The following CSNK1G3 variants were observed in gnomAD, a reference collection of about 807,000 sequenced individuals.
CSNK1G3 encodes casein kinase I isoform gamma-3.
A neutral mutation model predicts 64.3 loss-of-function variants in CSNK1G3; 23 were observed. That is an observed-to-expected ratio of 0.36 (90% CI 0.26 to 0.51). CSNK1G3 has a LOEUF of 0.51. Ranked by LOEUF, CSNK1G3 falls within the 20% of genes least tolerant of loss-of-function variation. The probability of loss-of-function intolerance (pLI) is 0.96; values close to 1 mark genes in which losing one functional copy is unlikely to be tolerated. For missense variants in CSNK1G3, 357 were observed against 510.5 expected, an observed-to-expected ratio of 0.70 and a Z score of 2.90; for synonymous variants, 158 against 162.2, an observed-to-expected ratio of 0.97 and a Z score of 0.20.
At chr5:123,554,220 G>A (rs1784199516) in intron 3 of CSNK1G3, among the ~76,000 whole-genome samples, 1 of 152,118 alleles carries the variant, frequency 6.6e-6, no homozygotes, top group Non-Finnish European at 1.5e-5. Flanking sequence ...GAGATTGGTT[G>A]GCTGACATGT....
intron 4 of CSNK1G3, among the ~76,000 whole-genome samples, chr5:123,572,983 G>A (rs796382227): frequency 6.6e-5 from 10 of 152,340 alleles, no homozygotes; most frequent in African/African-American, 2.2e-4. Context: ...TGACAGTGGT[G>A]ATCTTAGCAG....
In CSNK1G3 at chr5:123,573,632, G is replaced by A. The variant is rs529034610; in HGVS notation, c.438+91G>A. 1.7e-5 allele frequency: 19 copies of A among 1,149,204 alleles called. No homozygotes were observed. In the South Asian group the frequency reaches 2.2e-4, roughly 13 times the overall value. The allele number at this position is 1,149,204 out of a possible 1,614,324, so 71.2% of individuals were successfully genotyped here. ...TAAAAGTTTAAAGTTCTGTGATATT[G>A]TCTTACAGAGCGTTTGACGTAATAC... On this transcript the variant is annotated intron_variant, in intron 5 of 12. Coordinates refer to ENST00000345990, the Ensembl canonical transcript of CSNK1G3.
chr5:123,564,894 G>A (rs1231354397), intron 4 of CSNK1G3, among the ~76,000 whole-genome samples: 1 of 152,118 alleles, frequency 6.6e-6, no homozygotes, highest in Non-Finnish European at 1.5e-5. Flanking sequence ...AGCTAGGACA[G>A]CACTTCTTAA....
At chr5:123,589,661 A>C (rs546698292) in intron 8 of CSNK1G3, among the ~76,000 whole-genome samples, 156 of 152,066 alleles carry the variant, frequency 1.0e-3, no homozygotes, top group African/African-American at 3.6e-3. Flanking sequence ...CTGCTTTACT[A>C]ATTGCTCACC....
At chr5:123,581,708 T>TA (rs568823427) in intron 6 of CSNK1G3, among the ~76,000 whole-genome samples, 117 of 142,792 alleles carry the variant, frequency 8.2e-4, no homozygotes, top group African/African-American at 3.1e-3. Flanking sequence ...TTCTCTTTTT[T>TA]TAAAAAAAAA....
chr5:123,562,614 T>C (rs1196325175), intron 4 of CSNK1G3, among the ~76,000 whole-genome samples: 2 of 152,018 alleles, frequency 1.3e-5, no homozygotes, highest in African/African-American at 4.8e-5. Flanking sequence ...TAATTTTGAG[T>C]TTATTCTATT....
At chr5:123,536,809 A>C (rs1300085215) in intron 1 of CSNK1G3, among the ~76,000 whole-genome samples, 1 of 152,144 alleles carries the variant, frequency 6.6e-6, no homozygotes, top group African/African-American at 2.4e-5. Context: ...AAGAAGATAC[A>C]CACATGGCCA....
At chr5:123,607,758 G>A (rs1795604152) in intron 12 of CSNK1G3, among the ~76,000 whole-genome samples, 2 of 152,156 alleles carry the variant, frequency 1.3e-5, no homozygotes, top group Non-Finnish European at 2.9e-5. Context: ...TTTAAAAAAA[G>A]TATAGCAACT....
At chr5:123,540,421 TAAG>T (rs747743826) in intron 1 of CSNK1G3, among the ~76,000 whole-genome samples, 5 of 152,120 alleles carry the variant, frequency 3.3e-5, no homozygotes, top group Non-Finnish European at 5.9e-5. Context: ...CTAGCTATTT[TAAG>T]AAGAAGGTCC....
chr5:123,518,283 C>T (rs1320989293), intron 1 of CSNK1G3, among the ~76,000 whole-genome samples: 1 of 152,192 alleles, frequency 6.6e-6, no homozygotes, highest in Non-Finnish European at 1.5e-5. Flanking sequence ...GCAGGAAGTC[C>T]AGGTTGGAGA....
chr5:123,555,047 T>A (rs1044601859), intron 3 of CSNK1G3, among the ~76,000 whole-genome samples: 6 of 152,344 alleles, frequency 3.9e-5, no homozygotes, highest in African/African-American at 4.8e-5. Context: ...ATCACTTTTT[T>A]AAGTTTATTT....
chr5:123,613,869 A>T (rs1237315233), intron 12 of CSNK1G3, among the ~76,000 whole-genome samples: 1 of 152,280 alleles, frequency 6.6e-6, no homozygotes, highest in East Asian at 1.9e-4. Context: ...ATTCTATATA[A>T]TGTATTTTCT....
intron 1 of CSNK1G3, among the ~76,000 whole-genome samples, chr5:123,531,267 C>G (rs536370671): frequency 1.3e-3 from 194 of 152,094 alleles, no homozygotes; most frequent in African/African-American, 4.5e-3. Context: ...ACTTTCAATA[C>G]TTAATACCGA....
chr5:123,562,777 G>A (rs1052806338), intron 4 of CSNK1G3, among the ~76,000 whole-genome samples: 5 of 152,000 alleles, frequency 3.3e-5, no homozygotes, highest in Admixed American at 3.3e-4. Flanking sequence ...AATGGAAGTG[G>A]TAACCAAGGA....
chr5:123,553,082 A>G (rs1482295705), intron 2 of CSNK1G3, 25 bp from the exon 3 acceptor site: 1 of 1,289,346 alleles, frequency 7.8e-7, no homozygotes, highest in Admixed American at 2.6e-5. Context: ...TACTGGCAGA[A>G]TCTGATTTTT....
intron 4 of CSNK1G3, among the ~76,000 whole-genome samples, chr5:123,562,467 C>T (rs1425748708): frequency 6.6e-6 from 1 of 152,014 alleles, no homozygotes; most frequent in East Asian, 1.9e-4. Flanking sequence ...AAATTCTTAA[C>T]TAACAATAAT....
chr5:123,555,337 T>C (rs746132352), intron 3 of CSNK1G3, among the ~76,000 whole-genome samples: 12 of 152,322 alleles, frequency 7.9e-5, no homozygotes, highest in Non-Finnish European at 1.5e-4. Flanking sequence ...TGATAGTTCA[T>C]GATTTCCTTA....
chr5:123,531,818 A>G (rs969501290), intron 1 of CSNK1G3, among the ~76,000 whole-genome samples: 1 of 151,946 alleles, frequency 6.6e-6, no homozygotes, highest in African/African-American at 2.4e-5. Flanking sequence ...AAGAGGCAAT[A>G]TCTCTTGTAA....
chr5:123,533,752 C>T lies in CSNK1G3; in HGVS notation c.-247-11665C>T, dbSNP rs574760057. Among the ~76,000 whole-genome samples, 20 of 151,786 alleles carry T rather than the reference C, an allele frequency of 1.3e-4. 1 individual carries two copies. In the East Asian group the frequency reaches 3.7e-3, roughly 28 times the overall value. On this transcript the variant is annotated intron_variant, in intron 1 of 12. Coordinates refer to ENST00000345990, the Ensembl canonical transcript of CSNK1G3. The stretch of plus-strand genomic sequence containing the variant: ...GGGCTAATTGTTTCAATTTTTGCTG[C>T]TGTTTTTAAAGTAAGTTCTCTTCTG...
Sources: allele counts gnomAD v4.1 joint callset (sites outside exome capture counted in the v4.1 genomes callset), GRCh38; gene constraint gnomAD v4.1.1; transcripts MANE v1.5; gene names NCBI Gene and HGNC (gene_info 2026-07-23, HGNC 2026-07-21).